Variants in ADRA1B observed in about 807,000 individuals in gnomAD.
The protein encoded by ADRA1B is alpha-1B adrenergic receptor.
ADRA1B carries 17 observed loss-of-function variants against 17.9 expected under a neutral mutation model. The observed-to-expected ratio is 0.95, with a 90% CI of 0.65 to 1.42. ADRA1B has a LOEUF of 1.42. ADRA1B is among the 40% of genes most tolerant of loss of function. ADRA1B has a pLI of 0.00. For synonymous variants in ADRA1B, 366 were observed against 327.6 expected, an observed-to-expected ratio of 1.12 and a Z score of -1.27; for missense variants, 681 against 722.1, an observed-to-expected ratio of 0.94 and a Z score of 0.65.
chr5:159,980,309 C>A, the ADRA1B span, among the ~76,000 whole-genome samples: 2 of 152,000 alleles, frequency 1.3e-5, no homozygotes, highest in African/African-American at 2.4e-5. Flanking sequence ...AATCTCCACC[C>A]GAAAGAGGAG....
intron 1 of ADRA1B, among the ~76,000 whole-genome samples, chr5:159,963,271 G>T (rs1402914055): frequency 1.8e-5 from 2 of 112,628 alleles, no homozygotes; most frequent in Middle Eastern, 5.2e-3. Context: ...AGACTTGACA[G>T]TGAATAAACA....
intron 1 of ADRA1B, among the ~76,000 whole-genome samples, chr5:159,909,556 G>A (rs2113132199): frequency 6.6e-6 from 1 of 152,358 alleles, no homozygotes; most frequent in South Asian, 2.1e-4. Context: ...TTTGTGTCAT[G>A]TATTTATTTC....
chr5:159,880,631 C>T (rs543432575), intron 1 of ADRA1B, among the ~76,000 whole-genome samples: 3 of 152,340 alleles, frequency 2.0e-5, no homozygotes, highest in Non-Finnish European at 1.5e-5. Context: ...GTTCCATCTT[C>T]AGACAGTGTC....
At chr5:159,970,888 T>C (rs1349007526) in intron 1 of ADRA1B, among the ~76,000 whole-genome samples, 2 of 152,230 alleles carry the variant, frequency 1.3e-5, no homozygotes, top group African/African-American at 4.8e-5. Context: ...CACTGCAGCC[T>C]TGAACTCTTG....
intron 1 of ADRA1B, among the ~76,000 whole-genome samples, chr5:159,967,114 A>T (rs1755790199): frequency 6.6e-6 from 1 of 152,126 alleles, no homozygotes; most frequent in African/African-American, 2.4e-5. Context: ...GAGTATTTTC[A>T]CTCTAGACTT....
At chr5:159,903,987 C>CGT (rs140701197) in intron 1 of ADRA1B, among the ~76,000 whole-genome samples, 4 of 151,966 alleles carry the variant, frequency 2.6e-5, no homozygotes, top group South Asian at 4.2e-4. Context: ...TGCATGTATG[C>CGT]GTGTGTGTGT....
chr5:159,915,002 G>C (rs1457867428), upstream of ADRA1B, among the ~76,000 whole-genome samples: 3 of 152,192 alleles, frequency 2.0e-5, no homozygotes, highest in African/African-American at 7.2e-5. Context: ...CAATGGTTAT[G>C]CTTCTCTCAA....
intron 1 of ADRA1B, among the ~76,000 whole-genome samples, chr5:159,966,594 T>C (rs1398500959): frequency 6.6e-6 from 1 of 152,188 alleles, no homozygotes; most frequent in Non-Finnish European, 1.5e-5. Flanking sequence ...AAGATCAGTG[T>C]TCACCTACCA....
At chr5:159,918,952 AC>A (rs879817351) in intron 1 of ADRA1B, among the ~76,000 whole-genome samples, 3,990 of 152,254 alleles carry the variant, frequency 0.026, 79 homozygotes, top group Non-Finnish European at 0.036. Flanking sequence ...CAGCTGCTAT[AC>A]TGCGGACCAC....
downstream of ADRA1B, among the ~76,000 whole-genome samples, chr5:159,975,545 G>C (rs1183625480): frequency 1.3e-5 from 2 of 152,204 alleles, no homozygotes; most frequent in South Asian, 2.1e-4. Context: ...AAGCCACAAG[G>C]CACCAAAGGC....
chr5:159,951,022 C>G, intron 1 of ADRA1B: 1 of 683,648 alleles, frequency 1.5e-6, no homozygotes, highest in Admixed American at 1.8e-5. Context: ...TGACCTCGCC[C>G]AGGGGCACTA....
intron 1 of ADRA1B, among the ~76,000 whole-genome samples, chr5:159,907,520 T>G (rs949509201): frequency 6.6e-6 from 1 of 151,516 alleles, no homozygotes; most frequent in Admixed American, 6.6e-5. Flanking sequence ...AAAAAATGCA[T>G]CAGTGACATC....
At chr5:159,865,179 C>T (rs1439279013) in exon 1 of ADRA1B, 2 of 152,048 alleles carry the variant, frequency 1.3e-5, no homozygotes, top group African/African-American at 2.4e-5. Context: ...AGAAACGGGG[C>T]GCACTTTGGA....
chr5:159,906,983 T>C (rs1754168737), intron 1 of ADRA1B, among the ~76,000 whole-genome samples: 1 of 151,866 alleles, frequency 6.6e-6, no homozygotes, highest in South Asian at 2.1e-4. Context: ...TTCACACGAG[T>C]CCCCCTGCCT....
rs1159089459 is a variant in ADRA1B, at chr5:159,972,358, A to G, written c.1429A>G (p.Lys477Glu). 6 of 1,504,814 alleles carry G rather than the reference A, an allele frequency of 4.0e-6. No homozygotes were observed. In the Admixed American group the frequency reaches 1.2e-4, roughly 31 times the overall value. The allele number at this position is 1,504,814 out of a possible 1,614,324, so 93.2% of individuals were successfully genotyped here. A position where few individuals can be genotyped will look rare whatever the true frequency, so the allele number is the denominator to read the frequency against. The change falls in exon 2 of 2, where the codon AAG becomes GAG. Residue 477 changes from lysine to glutamate, a missense_variant. Transcript: ENST00000306675. ...CGACTCGGGCCCGCTCTTCACCTTC[A>G]AGCTCCTGACCGAGCCCGAGAGCCC... ...RHDSGPLFTFKLLTEPESPGT... is the reference protein window; with the variant it reads ...RHDSGPLFTFELLTEPESPGT...
intron 1 of ADRA1B, among the ~76,000 whole-genome samples, chr5:159,924,742 C>A (rs1336408274): frequency 6.6e-6 from 1 of 151,318 alleles, no homozygotes; most frequent in South Asian, 2.1e-4. Flanking sequence ...CAGGAAATGC[C>A]TTTACCTGAG....
chr5:159,910,199 T>C (rs570538688), intron 1 of ADRA1B, among the ~76,000 whole-genome samples: 24 of 152,314 alleles, frequency 1.6e-4, no homozygotes, highest in Non-Finnish European at 3.2e-4. Flanking sequence ...ACAGACTATA[T>C]ACAGTTCATT....
chr5:159,946,223 G>A (rs563242819), intron 1 of ADRA1B, among the ~76,000 whole-genome samples: 1 of 152,344 alleles, frequency 6.6e-6, no homozygotes, highest in East Asian at 1.9e-4. Flanking sequence ...GAAAAAGCCT[G>A]ATCCGGGATT....
At chr5:159,945,575 C>G (rs35994141) in intron 1 of ADRA1B, among the ~76,000 whole-genome samples, 17,847 of 151,948 alleles carry the variant, frequency 0.12, 1,320 homozygotes, top group Non-Finnish European at 0.16. Context: ...TGCACAGAAG[C>G]AGGAGGAGAG....
Sources: gnomAD v4.1 joint callset for allele counts (sites outside exome capture counted in the v4.1 genomes callset) on GRCh38, gnomAD v4.1.1 for gene constraint, MANE v1.5 for transcripts, NCBI Gene and HGNC (gene_info 2026-07-23, HGNC 2026-07-21) for gene names.